ARFGAP3: variants seen among roughly 807,000 people sequenced by gnomAD.
ARFGAP3 encodes the protein ADP-ribosylation factor GTPase-activating protein 3.
Under a neutral mutation model 75.0 loss-of-function variants are expected in ARFGAP3, and 72 were observed. The ratio of observed to expected loss-of-function variants is 0.96; its 90% confidence interval spans 0.79 to 1.17. The LOEUF (loss-of-function observed/expected upper bound fraction) is 1.17, where lower values mean the gene tolerates loss of function less well. Among genes scored for constraint, ARFGAP3 ranks in the 50% most tolerant of loss-of-function variants. The probability of loss-of-function intolerance (pLI) is 0.00; values close to 1 mark genes in which losing one functional copy is unlikely to be tolerated. For missense variants in ARFGAP3, 620 were observed against 626.6 expected, an observed-to-expected ratio of 0.99 and a Z score of 0.11; for synonymous variants, 221 against 217.9, an observed-to-expected ratio of 1.01 and a Z score of -0.13.
chr22:42,831,669 AAAGC>A lies in ARFGAP3; in HGVS notation c.478-37_478-34del. On this transcript the variant is annotated intron_variant, in intron 5 of 15. Transcript: ENST00000263245. ...AAGGCGAGAAAAGTCATTAGCAGAC[AAAGC>A]AAGAAAACAGCCATAAAAAACACAT... 2.5e-6 allele frequency: 4 copies of A among 1,612,714 alleles called. No individual in the cohort carries two copies. The East Asian group carries it at 8.9e-5, about 36-fold the overall frequency.
intron 6 of ARFGAP3, 51 bp downstream of exon 6, chr22:42,831,498 C>T: frequency 6.4e-7 from 1 of 1,562,488 alleles, no homozygotes; most frequent in Non-Finnish European, 8.8e-7. Context: ...AGTTTCATAG[C>T]ATGCCACTGA....
At chr22:42,810,255 G>C (rs1925305217) in intron 12 of ARFGAP3, among the ~76,000 whole-genome samples, 1 of 152,060 alleles carries the variant, frequency 6.6e-6, no homozygotes, top group Non-Finnish European at 1.5e-5. Flanking sequence ...ATCATTTGAG[G>C]TCAGGAGTTT....
chr22:42,811,176 G>T (rs1327051888), intron 11 of ARFGAP3: 2 of 196,942 alleles, frequency 1.0e-5, no homozygotes, highest in African/African-American at 2.4e-5. Flanking sequence ...GGAAGAGATT[G>T]TGTTCCAGGT....
At chr22:42,801,065 C>A (rs1487532603) in intron 14 of ARFGAP3, among the ~76,000 whole-genome samples, 1 of 151,602 alleles carries the variant, frequency 6.6e-6, no homozygotes, top group African/African-American at 2.4e-5. Context: ...GGAGGGGACA[C>A]AGAGCAAACT....
At chr22:42,797,686 C>T (rs368091523) in intron 15 of ARFGAP3, 81 bp from the exon 16 acceptor site, 17 of 1,613,158 alleles carry the variant, frequency 1.1e-5, no homozygotes, top group African/African-American at 6.7e-5. Flanking sequence ...TCAGCATCAC[C>T]CAAATTGACA....
chr22:42,803,703 G>A (rs1256097524), intron 14 of ARFGAP3, among the ~76,000 whole-genome samples: 1 of 152,158 alleles, frequency 6.6e-6, no homozygotes, highest in Non-Finnish European at 1.5e-5. Context: ...TTGGCTGCAG[G>A]CACTTACATG....
intron 9 of ARFGAP3, among the ~76,000 whole-genome samples, chr22:42,820,190 G>A (rs1238162766): frequency 6.6e-6 from 1 of 152,204 alleles, no homozygotes; most frequent in East Asian, 1.9e-4. Context: ...AATCTGGACA[G>A]AGCCTACTCC....
chr22:42,802,168 C>T (rs1235992736), intron 14 of ARFGAP3, among the ~76,000 whole-genome samples: 3 of 151,920 alleles, frequency 2.0e-5, no homozygotes, highest in Non-Finnish European at 2.9e-5. Context: ...GACCAAGCAG[C>T]GGGTTGTGGC....
intron 12 of ARFGAP3, among the ~76,000 whole-genome samples, chr22:42,810,227 G>A (rs565436642): frequency 6.6e-6 from 1 of 152,176 alleles, no homozygotes; most frequent in African/African-American, 2.4e-5. Flanking sequence ...CAGCAGTTTG[G>A]GAGGCCGAGG....
chr22:42,846,614 AC>A (rs1927031614), intron 2 of ARFGAP3, among the ~76,000 whole-genome samples: 2 of 152,214 alleles, frequency 1.3e-5, no homozygotes, highest in Admixed American at 6.5e-5. Flanking sequence ...AACATTTGAA[AC>A]TGCCACTAAA....
intron 11 of ARFGAP3, among the ~76,000 whole-genome samples, chr22:42,812,761 C>T (rs1282751330): frequency 1.3e-5 from 2 of 152,368 alleles, no homozygotes; most frequent in East Asian, 1.9e-4. Context: ...CTAAATGTGG[C>T]TTCTGCCTTC....
rs538518715 is a variant in ARFGAP3, at chr22:42,825,785, A to G, written c.625+1155T>C. The stretch of plus-strand genomic sequence containing the variant: ...TTTTAGAGAAAGTTTCTTAAAAATC[A>G]TTTTCTGAGTACATTTTACTTATAG... On this transcript the variant is annotated intron_variant, in intron 7 of 15. Transcript: ENST00000263245. Among the ~76,000 whole-genome samples the G allele has an allele frequency of 1.7e-3, 260 of 152,174 alleles. 4 individuals carry two copies. Among genetic ancestry groups the G allele is most frequent in the Middle Eastern group, 0.014 (4 of 294 alleles).
chr22:42,856,935 CCT>C (rs1927531707), intron 1 of ARFGAP3, among the ~76,000 whole-genome samples, 177 bp downstream of exon 1: 1 of 150,124 alleles, frequency 6.7e-6, no homozygotes, highest in Non-Finnish European at 1.5e-5. Context: ...CCCGCCCGGG[CCT>C]CTCAGCTGCC....
chr22:42,835,214 A>G (rs1209375225), intron 4 of ARFGAP3, 148 bp downstream of exon 4: 2 of 872,390 alleles, frequency 2.3e-6, no homozygotes, highest in Non-Finnish European at 3.4e-6. Flanking sequence ...TTTACAGAAC[A>G]TAACTACTTC....
At chr22:42,843,766 C>A (rs1027828470) in intron 2 of ARFGAP3, among the ~76,000 whole-genome samples, 4 of 152,126 alleles carry the variant, frequency 2.6e-5, no homozygotes, top group Non-Finnish European at 4.4e-5. Context: ...TCATGAAATA[C>A]GTAACGGCAA....
chr22:42,847,477 T>C, intron 2 of ARFGAP3, 37 bp downstream of exon 2: 1 of 1,546,534 alleles, frequency 6.5e-7, no homozygotes, highest in Non-Finnish European at 8.9e-7. Flanking sequence ...TGTAACAATG[T>C]AATCAATCTC....
At chr22:42,841,118 A>G in intron 2 of ARFGAP3, 102 bp from the exon 3 acceptor site, 2 of 1,487,240 alleles carry the variant, frequency 1.3e-6, no homozygotes, top group Non-Finnish European at 1.8e-6. Flanking sequence ...AGGATCCTAA[A>G]GAATTCTAAG....
At chr22:42,856,780 C>G (rs1298592776) in intron 1 of ARFGAP3, among the ~76,000 whole-genome samples, 2 of 151,302 alleles carry the variant, frequency 1.3e-5, no homozygotes, top group African/African-American at 2.4e-5. Flanking sequence ...CTCCTCGCAG[C>G]GCCCCCGAGG....
At chr22:42,837,895 C>T (rs1029400633) in intron 3 of ARFGAP3, among the ~76,000 whole-genome samples, 1 of 151,156 alleles carries the variant, frequency 6.6e-6, no homozygotes, top group Non-Finnish European at 1.5e-5. Flanking sequence ...TGGTCTTGAA[C>T]TCATGGGCTC....
Sources: gnomAD v4.1 joint callset for allele counts (sites outside exome capture counted in the v4.1 genomes callset) on GRCh38, gnomAD v4.1.1 for gene constraint, MANE v1.5 for transcripts, NCBI Gene and HGNC (gene_info 2026-07-23, HGNC 2026-07-21) for gene names.